CBFA2T2: variants seen among roughly 807,000 people sequenced by gnomAD.
CBFA2T2 encodes the protein CBFA2/RUNX1 partner transcriptional co-repressor 2, also known as protein CBFA2T2.
In CBFA2T2, 11 loss-of-function variants were observed where a neutral mutation model predicts 62.2. The observed-to-expected ratio is 0.18, with a 90% CI of 0.11 to 0.29. The LOEUF (loss-of-function observed/expected upper bound fraction) is 0.29. CBFA2T2 is among the 10% of genes least tolerant of loss of function. CBFA2T2 has a pLI of 1.00. For missense variants in CBFA2T2, 592 were observed against 774.1 expected, an observed-to-expected ratio of 0.76 and a Z score of 2.79; for synonymous variants, 295 against 287.5, an observed-to-expected ratio of 1.03 and a Z score of -0.27.
rs190903884 is a variant in CBFA2T2 at position 33,640,288 on chromosome 20, A to G, written c.1298-53A>G. The G allele has an allele frequency of 6.7e-5, 102 of 1,526,040 alleles. 1 individual carries two copies. In the African/African-American group the frequency reaches 1.3e-3, roughly 19 times the overall value. The allele number at this position is 1,526,040 out of a possible 1,614,324, so 94.5% of individuals were successfully genotyped here. A position where few individuals can be genotyped will look rare whatever the true frequency, so the allele number is the denominator to read the frequency against. ...TCTCCTTACTTAGAATTGCCGTGGG[A>G]TGGGAGGGAAAAGATTTCTCGGCCA... On this transcript the variant is annotated intron_variant, in intron 9 of 10. Coordinates refer to ENST00000342704, the MANE Select transcript of CBFA2T2 (RefSeq NM_001032999.3).
intron 10 of CBFA2T2, among the ~76,000 whole-genome samples, chr20:33,641,783 A>G (rs1355194290): frequency 2.0e-5 from 3 of 151,604 alleles, no homozygotes; most frequent in African/African-American, 7.3e-5. Context: ...GGCTTTCGCC[A>G]TGTTGGCCAG....
At chr20:33,545,464 T>C (rs886108192) in intron 1 of CBFA2T2, among the ~76,000 whole-genome samples, 1 of 152,146 alleles carries the variant, frequency 6.6e-6, no homozygotes, top group African/African-American at 2.4e-5. Context: ...TTTCTTTCTT[T>C]CTTTCTTTCG....
intron 4 of CBFA2T2, among the ~76,000 whole-genome samples, chr20:33,620,790 T>C (rs1416267995): frequency 1.3e-5 from 2 of 152,214 alleles, no homozygotes; most frequent in East Asian, 3.8e-4. Flanking sequence ...ATTGTGCCAC[T>C]GCACTCCAGC....
At chr20:33,628,474 T>G (rs764581114) in intron 7 of CBFA2T2, 39 bp downstream of exon 7, 6 of 1,423,324 alleles carry the variant, frequency 4.2e-6, no homozygotes. Flanking sequence ...TAACTCTTTA[T>G]TACTTTTTTT....
intron 1 of CBFA2T2, among the ~76,000 whole-genome samples, chr20:33,522,395 T>C (rs557738766): frequency 6.6e-6 from 1 of 152,178 alleles, no homozygotes; most frequent in Admixed American, 6.5e-5. Context: ...GAGCAACCAC[T>C]AGTGTACATG....
chr20:33,508,506 T>C (rs1457261737), intron 1 of CBFA2T2, among the ~76,000 whole-genome samples: 1 of 152,140 alleles, frequency 6.6e-6, no homozygotes. Context: ...TGGGCGTTTG[T>C]TGTACAGATT....
intron 1 of CBFA2T2, among the ~76,000 whole-genome samples, chr20:33,521,001 A>C (rs2011716335): frequency 1.4e-5 from 2 of 139,052 alleles, no homozygotes; most frequent in Admixed American, 7.8e-5. Flanking sequence ...CACACACACA[A>C]TTTTCAGCTG....
chr20:33,606,300 C>T (rs1483202226), intron 1 of CBFA2T2, among the ~76,000 whole-genome samples: 3 of 152,186 alleles, frequency 2.0e-5, no homozygotes, highest in South Asian at 2.1e-4. Flanking sequence ...CTTCCTTTCT[C>T]AGCCACTATC....
intron 1 of CBFA2T2, among the ~76,000 whole-genome samples, chr20:33,490,988 C>T (rs749389795): frequency 6.6e-6 from 1 of 152,198 alleles, no homozygotes; most frequent in Non-Finnish European, 1.5e-5. Context: ...CGAAATTAGG[C>T]TCTAGCCGTG....
chr20:33,546,500 C>T (rs1156570669), intron 1 of CBFA2T2, among the ~76,000 whole-genome samples: 1 of 150,800 alleles, frequency 6.6e-6, no homozygotes, highest in Non-Finnish European at 1.5e-5. Flanking sequence ...GCCAGGATCA[C>T]GGCTCACTGC....
At chr20:33,565,272 G>A (rs1600978106) in intron 1 of CBFA2T2, among the ~76,000 whole-genome samples, 1 of 152,158 alleles carries the variant, frequency 6.6e-6, no homozygotes, top group African/African-American at 2.4e-5. Context: ...AAATTTGGGG[G>A]CATCTCTTTT....
At chr20:33,630,040 C>T (rs1219133060) in intron 8 of CBFA2T2, 126 bp downstream of exon 8, 11 of 816,078 alleles carry the variant, frequency 1.3e-5, no homozygotes, top group Non-Finnish European at 2.0e-5. Flanking sequence ...TTTAGGGAAA[C>T]TCAGGTGATT....
chr20:33,547,067 G>A (rs965669144), intron 1 of CBFA2T2, among the ~76,000 whole-genome samples: 7 of 152,238 alleles, frequency 4.6e-5, no homozygotes, highest in African/African-American at 1.7e-4. Context: ...CAGGCATGGG[G>A]TACACATCTG....
chr20:33,624,480 G>A (rs1010699784), intron 5 of CBFA2T2, among the ~76,000 whole-genome samples: 3 of 151,992 alleles, frequency 2.0e-5, no homozygotes, highest in Admixed American at 2.0e-4. Flanking sequence ...TCAGAAAAAC[G>A]GTGTCATCTC....
intron 1 of CBFA2T2, among the ~76,000 whole-genome samples, chr20:33,533,894 G>A (rs2012129270): frequency 6.6e-6 from 1 of 152,178 alleles, no homozygotes; most frequent in African/African-American, 2.4e-5. Flanking sequence ...AGAACCGCTT[G>A]AACCCTGGAA....
rs574865989 is a variant in CBFA2T2, at chr20:33,518,856, C to G, written c.34+28555C>G. Among the ~76,000 whole-genome samples the G allele has an allele frequency of 2.1e-3, 319 of 151,370 alleles. 2 individuals are homozygous for G. Among genetic ancestry groups the G allele is most frequent in the Middle Eastern group, 0.01 (3 of 290 alleles). On this transcript the variant is annotated intron_variant, in intron 1 of 10. Transcript: ENST00000342704. ...CTTTTTTTTGAGACGGAGTCTGGCT[C>G]TGTTGCCCAGGCTGGAATGCACTGG...
chr20:33,549,968 C>G (rs988043152), intron 1 of CBFA2T2, among the ~76,000 whole-genome samples: 2 of 149,180 alleles, frequency 1.3e-5, no homozygotes, highest in Non-Finnish European at 3.0e-5. Flanking sequence ...TCAGACACAT[C>G]AAAGACAGCA....
intron 1 of CBFA2T2, among the ~76,000 whole-genome samples, chr20:33,597,487 G>T (rs1041295374): frequency 6.6e-6 from 1 of 152,178 alleles, no homozygotes; most frequent in African/African-American, 2.4e-5. Flanking sequence ...GGCACAGCAA[G>T]TGGTGAGCCA....
intron 1 of CBFA2T2, among the ~76,000 whole-genome samples, chr20:33,508,924 C>T (rs2011453968): frequency 6.6e-6 from 1 of 152,122 alleles, no homozygotes; most frequent in Non-Finnish European, 1.5e-5. Flanking sequence ...AGAGTTTGGC[C>T]GTGTGTGGAG....
Sources: allele counts gnomAD v4.1 joint callset (sites outside exome capture counted in the v4.1 genomes callset), GRCh38; gene constraint gnomAD v4.1.1; transcripts MANE v1.5; gene names NCBI Gene and HGNC (gene_info 2026-07-23, HGNC 2026-07-21).